Variants in COPB1 observed in about 807,000 individuals in gnomAD.
COPB1 encodes the protein coat protein complex I subunit beta 1, also known as coatomer subunit beta.
In COPB1, 21 loss-of-function variants were observed where a neutral mutation model predicts 108.7. That is an observed-to-expected ratio of 0.19 (90% CI 0.14 to 0.28). The LOEUF (loss-of-function observed/expected upper bound fraction) is 0.28, where lower values mean the gene tolerates loss of function less well. COPB1 is among the 10% of genes least tolerant of loss of function. COPB1 has a pLI of 1.00. For missense variants in COPB1, 919 were observed against 1,141.3 expected (o/e 0.81, Z 2.81); for synonymous variants, 378 against 386.8 (o/e 0.98, Z 0.27).
chr11:14,477,896 CAAAA>C (rs1289045044), intron 11 of COPB1, among the ~76,000 whole-genome samples: 1 of 59,886 alleles, frequency 1.7e-5, no homozygotes. Context: ...GACTCCATCT[CAAAA>C]AAAAAAAAAA....
intron 2 of COPB1, among the ~76,000 whole-genome samples, chr11:14,495,138 A>G (rs931431480): frequency 1.3e-5 from 2 of 152,240 alleles, no homozygotes; most frequent in Non-Finnish European, 2.9e-5. Context: ...TCTGCAACAT[A>G]AAGTATTTTA....
At position 14,490,558 on chromosome 11, in the gene COPB1, A is replaced by C; in HGVS notation, c.606+7T>G. ...GTAATAAGAGTATTTTTTAAAAAGT[A>C]CCTCACCTGATCTGCATGAATTAGC... On this transcript the variant is annotated splice_region_variant and intron_variant, in intron 5 of 21. Transcript: ENST00000439561. The C allele has an allele frequency of 3.3e-6, 5 of 1,536,044 alleles. No individual in the cohort carries two copies. The highest frequency in any genetic ancestry group is 4.5e-6 in the Non-Finnish European group (5 of 1,116,448).
At chr11:14,488,381 T>C in intron 6 of COPB1, 111 bp downstream of exon 6, 1 of 514,558 alleles carries the variant, frequency 1.9e-6, no homozygotes, top group Non-Finnish European at 3.2e-6. Flanking sequence ...CTATAAAATA[T>C]TTATACTATT....
Position 14,457,589 on chromosome 11 carries a change from T to G in COPB1, c.*235A>C. 2.7e-6 allele frequency: 1 copy of G among 367,632 alleles called. No individual in the cohort carries two copies. Among genetic ancestry groups the G allele is most frequent in the Non-Finnish European group, 5.1e-6 (1 of 194,974 alleles). 22.8% of individuals were successfully genotyped at this position (367,632 alleles called of 1,614,324 possible). On this transcript the variant is annotated 3_prime_UTR_variant, in exon 22 of 22. Coordinates refer to ENST00000439561, the MANE Select transcript of COPB1 (RefSeq NM_001144061.2). ...TGTTTATTGTACTGTGAAAAGGGTC[T>G]TGGTACATGAAACATTATATACTTT...
intron 18 of COPB1, among the ~76,000 whole-genome samples, chr11:14,462,232 T>C (rs536118948): frequency 6.6e-6 from 1 of 150,676 alleles, no homozygotes; most frequent in African/African-American, 2.4e-5. Flanking sequence ...TCTTTTCTTT[T>C]CTTTTTTTTT....
chr11:14,459,294 TGAAG>T (rs1289040891), intron 20 of COPB1, among the ~76,000 whole-genome samples: 1 of 152,148 alleles, frequency 6.6e-6, no homozygotes, highest in Non-Finnish European at 1.5e-5. Flanking sequence ...TTAAGCGCCA[TGAAG>T]GAAGAGACTA....
chr11:14,460,162 A>C (rs755387008), intron 20 of COPB1, 46 bp downstream of exon 20: 74 of 1,225,818 alleles, frequency 6.0e-5, no homozygotes, highest in Non-Finnish European at 8.2e-5. Flanking sequence ...CCAGGAACCT[A>C]CTCTACCATT....
chr11:14,469,699 ATC>A (rs1850361954), intron 14 of COPB1, 136 bp from the exon 15 acceptor site: 2 of 767,908 alleles, frequency 2.6e-6, no homozygotes, highest in Non-Finnish European at 4.2e-6. Flanking sequence ...TTATGTCCAT[ATC>A]TGTTTTTGCA....
Position 14,479,721 on chromosome 11 carries a change from G to GAAAAAAAAA in COPB1, c.1213-16_1213-8dup. ...CACTGAGAAATTCCATTAACTAAAA[G>GAAAAAAAAA]AAAAAAAAAAAAAAGAAAATGGAAC... On this transcript the variant is annotated splice_region_variant and splice_polypyrimidine_tract_variant and intron_variant, in intron 10 of 21. Transcript: ENST00000439561. The GAAAAAAAAA allele has an allele frequency of 1.7e-6, 2 of 1,171,902 alleles. No individual in the cohort carries two copies. Among genetic ancestry groups the GAAAAAAAAA allele is most frequent in the Non-Finnish European group, 1.1e-6 (1 of 876,388 alleles). The allele number at this position is 1,171,902 out of a possible 1,614,324, so 72.6% of individuals were successfully genotyped here.
At chr11:14,486,290 T>C (rs1045430674) in intron 7 of COPB1, 77 bp downstream of exon 7, 21 of 1,517,428 alleles carry the variant, frequency 1.4e-5, no homozygotes, top group Admixed American at 7.2e-5. Flanking sequence ...ACATAGTGAA[T>C]TGAAATGTCA....
intron 17 of COPB1, among the ~76,000 whole-genome samples, chr11:14,465,410 A>G (rs1207746443): frequency 6.6e-6 from 1 of 152,076 alleles, no homozygotes; most frequent in African/African-American, 2.4e-5. Flanking sequence ...ATAGCTCACT[A>G]CAGCCCTGAT....
chr11:14,487,267 A>G (rs1284362789), intron 6 of COPB1, among the ~76,000 whole-genome samples: 1 of 152,210 alleles, frequency 6.6e-6, no homozygotes, highest in Non-Finnish European at 1.5e-5. Flanking sequence ...TTACATGGAC[A>G]TGACTTAAAA....
intron 5 of COPB1, among the ~76,000 whole-genome samples, chr11:14,490,226 T>C (rs986669534): frequency 2.0e-5 from 3 of 152,220 alleles, no homozygotes; most frequent in Non-Finnish European, 4.4e-5. Context: ...GCTAAGGATG[T>C]ATCTATGCAA....
intron 2 of COPB1, among the ~76,000 whole-genome samples, chr11:14,495,469 T>C (rs1202310029): frequency 6.6e-6 from 1 of 152,240 alleles, no homozygotes; most frequent in African/African-American, 2.4e-5. Flanking sequence ...AACAGAGTTC[T>C]GAGCGTCAGA....
At chr11:14,471,703 A>C (rs933872417) in intron 14 of COPB1, among the ~76,000 whole-genome samples, 2 of 152,148 alleles carry the variant, frequency 1.3e-5, no homozygotes, top group African/African-American at 4.8e-5. Context: ...GGATCACCTG[A>C]GGTCAGCAGT....
chr11:14,469,295 A>T (rs199829481), intron 15 of COPB1, 41 bp downstream of exon 15: 1 of 1,523,410 alleles, frequency 6.6e-7, no homozygotes, highest in African/African-American at 1.4e-5. Context: ...CTGCACGAAG[A>T]GACACAAAAC....
chr11:14,492,971 C>T (rs1589969090), intron 4 of COPB1, among the ~76,000 whole-genome samples: 1 of 152,080 alleles, frequency 6.6e-6, no homozygotes, highest in Non-Finnish European at 1.5e-5. Context: ...CATGGTGAAA[C>T]CCCATATCTA....
intron 4 of COPB1, among the ~76,000 whole-genome samples, chr11:14,491,447 A>G (rs1173369728): frequency 6.6e-6 from 1 of 152,146 alleles, no homozygotes; most frequent in Admixed American, 6.5e-5. Flanking sequence ...AGGTGGGCGG[A>G]TCACCTGAGG....
intron 5 of COPB1, 65 bp from the exon 6 acceptor site, chr11:14,488,649 T>TA: frequency 1.0e-6 from 1 of 965,528 alleles, no homozygotes; most frequent in Non-Finnish European, 1.5e-6. Flanking sequence ...TAATGCATCT[T>TA]AAAAAATACA....
Sources: allele counts gnomAD v4.1 joint callset (sites outside exome capture counted in the v4.1 genomes callset), GRCh38; gene constraint gnomAD v4.1.1; transcripts MANE v1.5; gene names NCBI Gene and HGNC (gene_info 2026-07-23, HGNC 2026-07-21).